Variants in HERC1 observed in about 807,000 individuals in gnomAD.
HERC1 encodes HECT and RLD domain containing E3 ubiquitin protein ligase family member 1, also known as probable E3 ubiquitin-protein ligase HERC1.
In HERC1, 160 loss-of-function variants were observed where a neutral mutation model predicts 554.3. That is an observed-to-expected ratio of 0.29 (90% confidence interval 0.25 to 0.33). The LOEUF (loss-of-function observed/expected upper bound fraction) is 0.33. Ranked by LOEUF, HERC1 falls within the 10% of genes least tolerant of loss-of-function variation. HERC1 has a pLI of 1.00. For synonymous variants in HERC1, 2,175 were observed against 2,131.7 expected (o/e 1.02, Z -0.56); for missense variants, 4,919 against 5,918.5 (o/e 0.83, Z 5.54).
intron 2 of HERC1, among the ~76,000 whole-genome samples, chr15:63,767,438 G>C (rs1327102852): frequency 6.6e-6 from 1 of 151,932 alleles, no homozygotes; most frequent in Non-Finnish European, 1.5e-5. Flanking sequence ...AATAAAAACA[G>C]CAAATATCCC....
chr15:63,622,883 T>G lies in HERC1; in HGVS notation c.13620A>C (p.Glu4540Asp). 4 of 1,596,972 alleles carry G rather than the reference T, an allele frequency of 2.5e-6. No homozygotes were observed. Among genetic ancestry groups the G allele is most frequent in the Non-Finnish European group, 3.4e-6 (4 of 1,173,562 alleles). Residue 4540 changes from glutamate (E) to aspartate (D), a missense_variant, in exon 74 of 78, where the codon GAA becomes GAC. Glu to Asp is a conservative substitution (Grantham distance 45). Around this residue, in one of 11 missense-constraint regions of HERC1, gnomAD observed 284 missense variants for 294.1 expected, o/e 0.97. Transcript: ENST00000443617. ...DTITEMCQELETGIVDLLIPS... is the reference protein window; with the variant it reads ...DTITEMCQELDTGIVDLLIPS... ...GTATAAGAAGGTCAACAATACCAGT[T>G]TCAAGTTCCTGCAGAAGAAAGAAAA... is the stretch of plus-strand genomic sequence containing the variant.
intron 2 of HERC1, among the ~76,000 whole-genome samples, chr15:63,765,880 C>T (rs952149048): frequency 6.6e-6 from 1 of 152,106 alleles, no homozygotes; most frequent in Non-Finnish European, 1.5e-5. Context: ...TTTTTTGAGA[C>T]TGTTTCGCTC....
intron 55 of HERC1, among the ~76,000 whole-genome samples, chr15:63,646,976 C>T (rs998941524): frequency 2.3e-4 from 35 of 152,074 alleles, no homozygotes; most frequent in African/African-American, 7.7e-4. Context: ...CACAATGAGC[C>T]ATGCACGTTG....
intron 77 of HERC1, among the ~76,000 whole-genome samples, 158 bp from the exon 78 acceptor site, chr15:63,609,424 G>A (rs2067492875): frequency 6.6e-6 from 1 of 152,246 alleles, no homozygotes; most frequent in South Asian, 2.1e-4. Context: ...AATGAGCTGA[G>A]GCCCTACTGC....
At chr15:63,695,517 C>T (rs1258753459) in intron 27 of HERC1, among the ~76,000 whole-genome samples, 1 of 151,288 alleles carries the variant, frequency 6.6e-6, no homozygotes, top group Non-Finnish European at 1.5e-5. Flanking sequence ...CTCCTGAGTA[C>T]CTGGGATTAC....
chr15:63,653,713 T>C (rs976398626), intron 51 of HERC1, among the ~76,000 whole-genome samples: 8 of 152,244 alleles, frequency 5.3e-5, no homozygotes, highest in African/African-American at 1.9e-4. Flanking sequence ...AAATACTATG[T>C]AAACAGTTAT....
chr15:63,675,137 G>T lies in HERC1; in HGVS notation c.7071-20C>A. On this transcript the variant is annotated intron_variant, in intron 37 of 77. Transcript: ENST00000443617. ...GGGAAGCTTTAATAAAGATCAGAAT[G>T]ACACAGGAAGAAGCAAGTGAGGGAA... The T allele has an allele frequency of 6.4e-7, 1 of 1,550,786 alleles. No homozygotes were observed. The highest frequency in any genetic ancestry group is 1.2e-5 in the South Asian group (1 of 81,908).
intron 73 of HERC1, 113 bp from the exon 74 acceptor site, chr15:63,623,004 A>G: frequency 1.6e-6 from 1 of 623,146 alleles, no homozygotes; most frequent in Non-Finnish European, 2.7e-6. Flanking sequence ...TTATAATGCC[A>G]TGTGACAACC....
At chr15:63,833,743 A>ACACACG (rs1386424635) in intron 1 of HERC1, 84 bp downstream of exon 1, 1 of 66,270 alleles carries the variant, frequency 1.5e-5, no homozygotes, top group Non-Finnish European at 4.1e-5. Context: ...CAAAGCACAC[A>ACACACG]CGCGCGCGCG....
chr15:63,732,811 G>A, intron 14 of HERC1, 113 bp downstream of exon 14: 1 of 679,034 alleles, frequency 1.5e-6, no homozygotes. Flanking sequence ...CCCCTTGGGG[G>A]AGAGGGGTCT....
intron 12 of HERC1, among the ~76,000 whole-genome samples, chr15:63,744,150 GTGTGTGTGTGTGTGTC>G (rs2074951812): frequency 7.2e-5 from 3 of 41,526 alleles, no homozygotes; most frequent in African/African-American, 1.4e-4. Context: ...GTGTGTGTGT[GTGTGTGTGTGTGTGTC>G]TCTCTCTCTC....
intron 17 of HERC1, among the ~76,000 whole-genome samples, chr15:63,726,654 A>G (rs1204081288): frequency 6.6e-6 from 1 of 152,222 alleles, no homozygotes; most frequent in Non-Finnish European, 1.5e-5. Flanking sequence ...CATAAGATGG[A>G]AGGGAATACT....
chr15:63,737,496 A>C (rs2074580490), intron 12 of HERC1, among the ~76,000 whole-genome samples: 1 of 82,628 alleles, frequency 1.2e-5, no homozygotes, highest in Non-Finnish European at 2.6e-5. Context: ...ATATATATAC[A>C]TATATATATC....
At position 63,718,465 on chromosome 15, in the gene HERC1, T is replaced by A. The variant is rs962587843; in HGVS notation, c.3978+109A>T. 3 of 1,013,794 alleles carry A rather than the reference T, an allele frequency of 3.0e-6. No individual in the cohort carries two copies. The African/African-American group carries it at 4.9e-5, about 17-fold the overall frequency. The allele number at this position is 1,013,794 out of a possible 1,614,324, so 62.8% of individuals were successfully genotyped here. On this transcript the variant is annotated intron_variant, in intron 21 of 77. Transcript: ENST00000443617. This position sits in a 1 kb window ranked among gnomAD's most constrained non-coding sequence, Gnocchi z 4.2. Reference sequence around the variant, plus strand: ...TAGGAAAAGAACTACTCAACATGTATTGAACATATGCAATAACCAAGGCAC... The same window carrying A: ...TAGGAAAAGAACTACTCAACATGTAATGAACATATGCAATAACCAAGGCAC...
chr15:63,654,825 C>T (rs1165842908), intron 50 of HERC1, among the ~76,000 whole-genome samples: 13 of 150,742 alleles, frequency 8.6e-5, no homozygotes, highest in Middle Eastern at 3.4e-3. Context: ...GCCGAGACTG[C>T]GCCACTGTAC....
intron 12 of HERC1, among the ~76,000 whole-genome samples, chr15:63,745,828 T>C (rs1430204985): frequency 6.6e-6 from 1 of 152,226 alleles, no homozygotes; most frequent in Non-Finnish European, 1.5e-5. Flanking sequence ...TTCCACCATC[T>C]TGCTCTGCCT....
In HERC1 at chr15:63,672,487, C is replaced by G. The variant is rs1187530843; in HGVS notation, c.8045+9G>C. On this transcript the variant is annotated intron_variant, in intron 39 of 77. Coordinates refer to ENST00000443617, the MANE Select transcript of HERC1 (RefSeq NM_003922.4). ...CAGTATGGCAGACATTAAAGGTCAA[C>G]TTCTCTACCTGAGAAGACTAAGAGG... The G allele has an allele frequency of 5.7e-6, 9 of 1,574,336 alleles. No individual in the cohort carries two copies. In the Admixed American group the frequency reaches 1.5e-4, roughly 26 times the overall value.
chr15:63,736,313 C>T (rs939888127), intron 12 of HERC1, among the ~76,000 whole-genome samples: 1 of 152,106 alleles, frequency 6.6e-6, no homozygotes, highest in African/African-American at 2.4e-5. Context: ...GCAGGAATAC[C>T]AAACTAAAAT....
At chr15:63,637,126 C>G in intron 64 of HERC1, 1 of 457,466 alleles carries the variant, frequency 2.2e-6, no homozygotes, top group Non-Finnish European at 4.4e-6. Context: ...TGAAGATGTC[C>G]TTTAAAGTCT....
Sources: gnomAD v4.1 joint callset for allele counts (sites outside exome capture counted in the v4.1 genomes callset) on GRCh38, gnomAD v4.1.1 for gene constraint, gnomAD v4.1.1 regional missense constraint, Gnocchi (gnomAD v3.1) non-coding constraint, MANE v1.5 for transcripts, NCBI Gene and HGNC (gene_info 2026-07-23, HGNC 2026-07-21) for gene names.